DNAH11: variants seen among roughly 807,000 people sequenced by gnomAD.
The protein encoded by DNAH11 is axonemal beta dynein heavy chain 11.
In DNAH11, 442 loss-of-function variants were observed where a neutral mutation model predicts 526.0. That is an observed-to-expected ratio of 0.84 (90% CI 0.78 to 0.91). The LOEUF is 0.91. Among genes scored for constraint, DNAH11 ranks in the 40% least tolerant of loss-of-function variants. The probability of loss-of-function intolerance (pLI) is 0.00; values close to 1 mark genes in which losing one functional copy is unlikely to be tolerated. For missense variants in DNAH11, 6,989 were observed against 5,448.7 expected, an observed-to-expected ratio of 1.28 and a Z score of -8.90; for synonymous variants, 2,461 against 1,935.9, an observed-to-expected ratio of 1.27 and a Z score of -7.12.
At chr7:21,618,752 C>T (rs988627195) in intron 23 of DNAH11, among the ~76,000 whole-genome samples, 25 of 152,074 alleles carry the variant, frequency 1.6e-4, no homozygotes, top group South Asian at 6.2e-4. Context: ...CTACCTGATT[C>T]CTGGGATTTC....
At chr7:21,716,057 C>T (rs1198686841) in intron 42 of DNAH11, among the ~76,000 whole-genome samples, 1 of 152,042 alleles carries the variant, frequency 6.6e-6, no homozygotes, top group Non-Finnish European at 1.5e-5. Context: ...CCGCTATTAC[C>T]TGCACCCTAA....
intron 6 of DNAH11, among the ~76,000 whole-genome samples, chr7:21,566,903 A>G (rs1783693737): frequency 6.6e-6 from 1 of 152,144 alleles, no homozygotes; most frequent in Non-Finnish European, 1.5e-5. Context: ...ATTTTGTACT[A>G]ACTTCTTGAA....
At chr7:21,869,067 GA>G (rs1562594390) in intron 73 of DNAH11, 76 bp downstream of exon 73, 2 of 1,592,654 alleles carry the variant, frequency 1.3e-6, no homozygotes, top group African/African-American at 1.3e-5. Flanking sequence ...CCGCCCAACA[GA>G]ATGCTCCCTT....
intron 26 of DNAH11, 142 bp downstream of exon 26, chr7:21,636,237 T>A: frequency 1.5e-6 from 1 of 668,358 alleles, no homozygotes. Context: ...GGCCAGGTAA[T>A]AAATATTTCA....
At chr7:21,637,973 A>G (rs1786947905) in intron 27 of DNAH11, among the ~76,000 whole-genome samples, 1 of 152,164 alleles carries the variant, frequency 6.6e-6, no homozygotes, top group African/African-American at 2.4e-5. Flanking sequence ...AATTGACATG[A>G]TTGATTGATC....
chr7:21,870,892 T>A (rs1387291240), intron 73 of DNAH11, among the ~76,000 whole-genome samples: 1 of 152,212 alleles, frequency 6.6e-6, no homozygotes, highest in Admixed American at 6.5e-5. Context: ...TAAGGAGAGA[T>A]TATACCAGGC....
At chr7:21,873,178 G>C in intron 73 of DNAH11, 96 bp from the exon 74 acceptor site, 2 of 1,109,742 alleles carry the variant, frequency 1.8e-6, no homozygotes, top group Non-Finnish European at 2.6e-6. Context: ...ATGGTTCTCT[G>C]AGTTTTCAGT....
At chr7:21,718,453 C>G (rs765342579) in intron 43 of DNAH11, among the ~76,000 whole-genome samples, 1 of 152,200 alleles carries the variant, frequency 6.6e-6, no homozygotes, top group Non-Finnish European at 1.5e-5. Flanking sequence ...GGTGCCACCA[C>G]TCACAGGCCT....
chr7:21,711,999 A>G (rs974396226), intron 42 of DNAH11, 139 bp downstream of exon 42: 1 of 1,022,666 alleles, frequency 9.8e-7, no homozygotes. Context: ...TTATCTTCCC[A>G]AAGTGACACT....
intron 46 of DNAH11, among the ~76,000 whole-genome samples, chr7:21,736,482 A>G (rs1785618804): frequency 6.6e-6 from 1 of 152,164 alleles, no homozygotes; most frequent in South Asian, 2.1e-4. Context: ...AGACTCTCTG[A>G]TATCCGGTTG....
chr7:21,819,553 T>A (rs1017870942), intron 65 of DNAH11, among the ~76,000 whole-genome samples: 3 of 152,180 alleles, frequency 2.0e-5, no homozygotes, highest in Non-Finnish European at 4.4e-5. Flanking sequence ...TGAAGTGAAA[T>A]CCTTGTTATT....
chr7:21,696,791 T>C (rs1783871409), intron 35 of DNAH11, among the ~76,000 whole-genome samples: 1 of 152,098 alleles, frequency 6.6e-6, no homozygotes, highest in Non-Finnish European at 1.5e-5. Context: ...CTCTGTAAAA[T>C]GAAGATAAGA....
chr7:21,586,614 G>T (rs1784485298), intron 9 of DNAH11, among the ~76,000 whole-genome samples: 3 of 152,086 alleles, frequency 2.0e-5, no homozygotes, highest in African/African-American at 7.2e-5. Flanking sequence ...TTTTTATTAT[G>T]AAGCTGTTTT....
At chr7:21,621,572 A>G (rs895188477) in intron 25 of DNAH11, among the ~76,000 whole-genome samples, 57 of 152,288 alleles carry the variant, frequency 3.7e-4, no homozygotes, top group South Asian at 8.3e-4. Context: ...AAAAATCCTC[A>G]GTAAAATACT....
intron 30 of DNAH11, among the ~76,000 whole-genome samples, chr7:21,661,476 A>G (rs956117904): frequency 1.3e-5 from 2 of 151,836 alleles, no homozygotes; most frequent in African/African-American, 4.8e-5. Context: ...ATATTTTTCC[A>G]TTTATCTTAT....
intron 62 of DNAH11, among the ~76,000 whole-genome samples, chr7:21,806,663 T>C (rs1356293489): frequency 2.0e-5 from 3 of 152,208 alleles, no homozygotes; most frequent in African/African-American, 4.8e-5. Context: ...TCTTTGCTTG[T>C]ACTAACAAAT....
chr7:21,849,318 CACTG>C lies in DNAH11; in HGVS notation c.10897-3144_10897-3141del, dbSNP rs531974193. ...ATTTCGTTTATCCATAAGTTATAAT[CACTG>C]ACTGTATTGCTTTTATTACTGTTTT... On this transcript the variant is annotated intron_variant, in intron 66 of 81. Transcript: ENST00000409508. Among the ~76,000 whole-genome samples, 176 of 152,350 alleles carry C rather than the reference CACTG, an allele frequency of 1.2e-3. 1 individual carries two copies. The highest frequency in any genetic ancestry group is 4.2e-3 in the African/African-American group (174 of 41,580).
In DNAH11 at chr7:21,571,889, A is replaced by C. The variant is rs1783905154; in HGVS notation, c.1509A>C (p.Gln503His). ...GGTKGAILNGQVHEMSEELME... is the reference protein window; with the variant it reads ...GGTKGAILNGHVHEMSEELME... ...CCAAAGGAGCAATTTTAAATGGACA[A>C]GTCCACGAGATGAGTGAAGAACTTA... The change falls in exon 8 of 82, where the codon CAA (glutamine) becomes CAC (histidine). Residue 503 changes from glutamine to histidine, a missense_variant. Physicochemically the swap from Gln to His is conservative, Grantham distance 24 (BLOSUM62 0). Coordinates refer to ENST00000409508, the MANE Select transcript of DNAH11 (RefSeq NM_001277115.2). The C allele has an allele frequency of 1.2e-6, 2 of 1,613,184 alleles. No individual in the cohort carries two copies. Among genetic ancestry groups the C allele is most frequent in the African/African-American group, 2.7e-5 (2 of 75,024 alleles).
chr7:21,742,612 G>A (rs1469961445), intron 49 of DNAH11, among the ~76,000 whole-genome samples: 1 of 152,166 alleles, frequency 6.6e-6, no homozygotes, highest in Non-Finnish European at 1.5e-5. Flanking sequence ...ATTTCAACCT[G>A]AGATTTGGAG....
Sources: gnomAD v4.1 joint callset for allele counts (sites outside exome capture counted in the v4.1 genomes callset) on GRCh38, gnomAD v4.1.1 for gene constraint, MANE v1.5 for transcripts, NCBI Gene and HGNC (gene_info 2026-07-23, HGNC 2026-07-21) for gene names.